The following SLC6A19 variants were observed in gnomAD, a reference collection of about 807,000 sequenced individuals.
SLC6A19 encodes sodium-dependent neutral amino acid transporter B(0)AT1.
Under a neutral mutation model 68.3 loss-of-function variants are expected in SLC6A19, and 67 were observed. That is an observed-to-expected ratio of 0.98 (90% CI 0.81 to 1.20). The LOEUF is 1.20. SLC6A19 is among the 50% of genes most tolerant of loss of function. SLC6A19 has a pLI of 0.00. For synonymous variants in SLC6A19, 392 were observed against 374.9 expected, an observed-to-expected ratio of 1.05 and a Z score of -0.53; for missense variants, 813 against 851.6, an observed-to-expected ratio of 0.95 and a Z score of 0.56.
At position 1,221,214 on chromosome 5, in the gene SLC6A19, G is replaced by C. The variant is rs770445754; in HGVS notation, c.1602G>C (p.Trp534Cys). 1.2e-6 allele frequency: 2 copies of C among 1,614,136 alleles called. No individual in the cohort carries two copies. Among genetic ancestry groups the C allele is most frequent in the Admixed American group, 3.3e-5 (2 of 60,008 alleles). The change falls in exon 11 of 12, where the codon TGG (tryptophan) becomes TGC (cysteine). Residue 534 changes from tryptophan (W) to cysteine (C), a missense_variant. Trp to Cys is a radical substitution (Grantham distance 215, BLOSUM62 -2). Transcript: ENST00000304460. ...HKPNIFWQVT[W>C]RVVSPLLMLI... ...CCAACATCTTCTGGCAAGTCACGTGGCGCGTGGTCAGCCCCCTGCTCATGC... is the reference window on the plus strand; with the variant it reads ...CCAACATCTTCTGGCAAGTCACGTGCCGCGTGGTCAGCCCCCTGCTCATGC...
intron 1 of SLC6A19, among the ~76,000 whole-genome samples, chr5:1,202,851 C>G (rs866368839): frequency 1.3e-5 from 2 of 152,194 alleles, no homozygotes; most frequent in African/African-American, 4.8e-5. Context: ...GTTTCGCCTC[C>G]AGCATTGTCA....
At chr5:1,219,711 G>A in intron 10 of SLC6A19, 47 bp downstream of exon 10, 2 of 1,599,184 alleles carry the variant, frequency 1.3e-6, no homozygotes, top group Non-Finnish European at 1.7e-6. Flanking sequence ...GAAAAGCCAG[G>A]TCACAGGGCG....
chr5:1,209,348 C>T lies in SLC6A19; in HGVS notation c.343+462C>T, dbSNP rs1745953902. Among the ~76,000 whole-genome samples, 1 of 152,188 alleles carries T rather than the reference C, an allele frequency of 6.6e-6. No individual in the cohort carries two copies. Among genetic ancestry groups the T allele is most frequent in the Admixed American group, 6.5e-5 (1 of 15,286 alleles). ...ACCCAGTGCAGCCTCACCAAGAGGA[C>T]ACGGCTCATTAAGCCCTCAGAATAT... On this transcript the variant is annotated intron_variant, in intron 2 of 11. Coordinates refer to ENST00000304460, the MANE Select transcript of SLC6A19 (RefSeq NM_001003841.3). The surrounding 1 kb of genome is among the most constrained non-coding windows in gnomAD (Gnocchi z 5.5).
At chr5:1,211,700 TG>T (rs1425880987) in intron 3 of SLC6A19, among the ~76,000 whole-genome samples, 3 of 149,638 alleles carry the variant, frequency 2.0e-5, no homozygotes, top group African/African-American at 7.4e-5. Context: ...TGTGCATGTG[TG>T]GGGTGTAGAG....
chr5:1,224,091 GC>G lies in SLC6A19; in HGVS notation c.*2191del, dbSNP rs1475124213. The G allele has an allele frequency of 6.6e-6, 1 of 152,284 alleles. No homozygotes were observed. The highest frequency in any genetic ancestry group is 1.5e-5 in the Non-Finnish European group (1 of 68,086). 9.4% of individuals were successfully genotyped at this position (152,284 alleles called of 1,614,324 possible). ...CTGGATCGAGAAAATTTCCATCAGT[GC>G]CCCATTAATATGCTGCCCTGTGGCA... On this transcript the variant is annotated 3_prime_UTR_variant, in exon 12 of 12. Transcript: ENST00000304460.
chr5:1,212,911 C>T lies in SLC6A19; in HGVS notation c.663+427C>T, dbSNP rs74292149. 0.12 allele frequency among the ~76,000 whole-genome samples: 18,611 copies of T among 151,752 alleles called. 1,455 individuals are homozygous for T. Among genetic ancestry groups the T allele is most frequent in the Middle Eastern group, 0.24 (72 of 294 alleles). ...CGGCCATCCCTTTCTTCTGGTGGGCCGGCAGCCTGTGAGGCCCTGTCCCCG... is the reference window on the plus strand; with the variant it reads ...CGGCCATCCCTTTCTTCTGGTGGGCTGGCAGCCTGTGAGGCCCTGTCCCCG... On this transcript the variant is annotated intron_variant, in intron 4 of 11. Coordinates refer to ENST00000304460, the MANE Select transcript of SLC6A19 (RefSeq NM_001003841.3). The surrounding 1 kb of genome is among the most constrained non-coding windows in gnomAD (Gnocchi z 5.1).
At chr5:1,204,411 C>A (rs1275788752) in intron 1 of SLC6A19, among the ~76,000 whole-genome samples, 1 of 152,188 alleles carries the variant, frequency 6.6e-6, no homozygotes, top group Non-Finnish European at 1.5e-5. Context: ...GATGGCGGAG[C>A]CCCCCGAGGG....
rs778387537 is a variant in SLC6A19, at chr5:1,212,430, C to T, written c.609C>T (p.Cys203=). 19 of 1,611,706 alleles carry T rather than the reference C, an allele frequency of 1.2e-5. No homozygotes were observed. The highest frequency in any genetic ancestry group is 3.3e-5 in the Admixed American group (2 of 59,994). The change falls in exon 4 of 12, where the codon TGC becomes TGT. Residue 203 remains cysteine (C), a synonymous_variant. Coordinates refer to ENST00000304460, the MANE Select transcript of SLC6A19 (RefSeq NM_001003841.3). This position sits in a 1 kb window ranked among gnomAD's most constrained non-coding sequence, Gnocchi z 5.1. ...IQWWMLLCLA[C]AWSVLYMCTI... Reference sequence around the variant, plus strand: ...GGTGGATGCTGCTGTGCCTGGCCTGCGCATGGAGCGTCCTGTACATGTGCA... The same window carrying T: ...GGTGGATGCTGCTGTGCCTGGCCTGTGCATGGAGCGTCCTGTACATGTGCA...
intron 8 of SLC6A19, 93 bp from the exon 9 acceptor site, chr5:1,218,810 C>T (rs1746276523): frequency 3.0e-6 from 4 of 1,318,400 alleles, no homozygotes; most frequent in African/African-American, 2.9e-5. Flanking sequence ...CCGCCCCATG[C>T]TGCGTGGCTT....
intron 1 of SLC6A19, among the ~76,000 whole-genome samples, chr5:1,207,270 A>AC (rs1428369127): frequency 1.3e-5 from 2 of 152,138 alleles, no homozygotes. Context: ...CACCTTGGGC[A>AC]CCGTCATGAT....
At chr5:1,217,461 C>T (rs1435541546) in intron 8 of SLC6A19, among the ~76,000 whole-genome samples, 4 of 152,200 alleles carry the variant, frequency 2.6e-5, no homozygotes, top group Non-Finnish European at 4.4e-5. Flanking sequence ...AATTAAAGGT[C>T]GACATTTGCT....
At chr5:1,207,094 G>A (rs1447394434) in intron 1 of SLC6A19, among the ~76,000 whole-genome samples, 1 of 152,230 alleles carries the variant, frequency 6.6e-6, no homozygotes, top group African/African-American at 2.4e-5. Context: ...GCACTGCGCG[G>A]TGCCAGGCCA....
At position 1,209,732 on chromosome 5, in the gene SLC6A19, C is replaced by T. The variant is rs1052585922; in HGVS notation, c.344-712C>T. Among the ~76,000 whole-genome samples, 1 of 149,466 alleles carries T rather than the reference C, an allele frequency of 6.7e-6. No homozygotes were observed. Among genetic ancestry groups the T allele is most frequent in the East Asian group, 2.0e-4 (1 of 5,054 alleles). On this transcript the variant is annotated intron_variant, in intron 2 of 11. Transcript: ENST00000304460. This position sits in a 1 kb window ranked among gnomAD's most constrained non-coding sequence, Gnocchi z 5.5. ...TCTCAGTCTCTGTCTTTTTTTCTTT[C>T]CCCCTCCTATTCTCTCTGTCTCTTC...
chr5:1,211,319 T>C (rs1399925776), intron 3 of SLC6A19, among the ~76,000 whole-genome samples: 4 of 152,236 alleles, frequency 2.6e-5, no homozygotes, highest in African/African-American at 9.6e-5. Context: ...ATTAGACCAC[T>C]TCCCCTTTAG....
At chr5:1,213,673 C>A in intron 5 of SLC6A19, 100 bp downstream of exon 5, 4 of 1,233,462 alleles carry the variant, frequency 3.2e-6, no homozygotes, top group African/African-American at 1.5e-5. Context: ...CGGGGACAGG[C>A]AGCCTGCTGC....
In SLC6A19 at chr5:1,222,456, G is replaced by A. The variant is rs879512035; in HGVS notation, c.*552G>A. 5.3e-5 allele frequency: 23 copies of A among 433,974 alleles called. No individual in the cohort carries two copies. The highest frequency in any genetic ancestry group is 5.8e-4 in the Middle Eastern group (1 of 1,728). 26.9% of individuals were successfully genotyped at this position (433,974 alleles called of 1,614,324 possible). ...GTGTGTATGTGTGTTCTGTGTGTGC[G>A]TTTGCAAGTATATATGCACATGTGT... On this transcript the variant is annotated 3_prime_UTR_variant, in exon 12 of 12. Coordinates refer to ENST00000304460, the MANE Select transcript of SLC6A19 (RefSeq NM_001003841.3).
In SLC6A19 at chr5:1,212,710, C is replaced by G. The variant is rs1338176863; in HGVS notation, c.663+226C>G. ...ATGACCAGACTTGGGGCTCCAGGAA[C>G]TTGACGTTGGCCCACACGACACTTA... On this transcript the variant is annotated intron_variant, in intron 4 of 11. Coordinates refer to ENST00000304460, the MANE Select transcript of SLC6A19 (RefSeq NM_001003841.3). The surrounding 1 kb of genome is among the most constrained non-coding windows in gnomAD (Gnocchi z 5.1). Among the ~76,000 whole-genome samples the G allele has an allele frequency of 2.0e-5, 3 of 152,054 alleles. No individual in the cohort carries two copies. Among genetic ancestry groups the G allele is most frequent in the African/African-American group, 7.3e-5 (3 of 41,370 alleles).
rs373047927 is a variant in SLC6A19, at chr5:1,214,384, C to G, written c.887+319C>G. Among the ~76,000 whole-genome samples, 22 of 152,256 alleles carry G rather than the reference C, an allele frequency of 1.4e-4. No homozygotes were observed. The highest frequency in any genetic ancestry group is 5.3e-4 in the African/African-American group (22 of 41,538). ...TGCTCCACACCCACATCGCTCCCAG[C>G]CCACCCCTGGGCATCCCAGGCCCCC... On this transcript the variant is annotated intron_variant, in intron 6 of 11. Coordinates refer to ENST00000304460, the MANE Select transcript of SLC6A19 (RefSeq NM_001003841.3). The surrounding 1 kb of genome is among the most constrained non-coding windows in gnomAD (Gnocchi z 7.4).
chr5:1,210,577 G>C lies in SLC6A19; in HGVS notation c.477G>C (p.Gln159His), dbSNP rs1745997669. The C allele has an allele frequency of 3.7e-6, 6 of 1,612,758 alleles. No individual in the cohort carries two copies. The highest frequency in any genetic ancestry group is 5.1e-6 in the Non-Finnish European group (6 of 1,180,022). Residue 159 changes from glutamine to histidine, a missense_variant, in exon 3 of 12, where the codon CAG becomes CAC. Transcript: ENST00000304460. ...PWSDCPLNENQTGYVDECARS... is the reference protein window; with the variant it reads ...PWSDCPLNENHTGYVDECARS... Reference sequence around the variant, plus strand: ...GCGACTGCCCGCTCAACGAGAACCAGACAGGTGAGTCCTTGCAAGCAGCCC... The same window carrying C: ...GCGACTGCCCGCTCAACGAGAACCACACAGGTGAGTCCTTGCAAGCAGCCC...
Sources: gnomAD v4.1 joint callset for allele counts (sites outside exome capture counted in the v4.1 genomes callset) on GRCh38, gnomAD v4.1.1 for gene constraint, Gnocchi (gnomAD v3.1) non-coding constraint, MANE v1.5 for transcripts, NCBI Gene and HGNC (gene_info 2026-07-23, HGNC 2026-07-21) for gene names.